SAXO1: variants seen among roughly 807,000 people sequenced by gnomAD.
SAXO1 encodes 4930500O09Rik.
Under a neutral mutation model 17.5 loss-of-function variants are expected in SAXO1, and 21 were observed. That is an observed-to-expected ratio of 1.20 (90% CI 0.85 to 1.72). The LOEUF is 1.72. SAXO1 is among the 40% of genes most tolerant of loss of function. The probability of loss-of-function intolerance (pLI) is 0.00; values close to 1 mark genes in which losing one functional copy is unlikely to be tolerated. For synonymous variants in SAXO1, 274 were observed against 216.5 expected (o/e 1.27, Z -2.33); for missense variants, 843 against 596.0 (o/e 1.41, Z -4.32).
chr9:19,016,077 G>C (rs1170515496), intron 1 of SAXO1, among the ~76,000 whole-genome samples: 1 of 152,124 alleles, frequency 6.6e-6, no homozygotes, highest in African/African-American at 2.4e-5. Context: ...GAAAAGCTTT[G>C]TCCCTCTCCA....
intron 1 of SAXO1, among the ~76,000 whole-genome samples, chr9:19,024,886 C>T (rs1360019869): frequency 1.3e-5 from 2 of 152,092 alleles, no homozygotes; most frequent in Non-Finnish European, 2.9e-5. Flanking sequence ...GAGGGAATGA[C>T]GTTTAAAACT....
At chr9:19,026,344 T>G (rs1195690474) in intron 1 of SAXO1, among the ~76,000 whole-genome samples, 1 of 152,208 alleles carries the variant, frequency 6.6e-6, no homozygotes, top group African/African-American at 2.4e-5. Context: ...AAAATTTAAT[T>G]GATTGACCTA....
At chr9:19,000,169 C>T (rs372059431) in intron 1 of SAXO1, among the ~76,000 whole-genome samples, 3 of 151,114 alleles carry the variant, frequency 2.0e-5, no homozygotes, top group South Asian at 2.1e-4. Context: ...TCTGCCTGGC[C>T]GCCACCCTGT....
At chr9:18,969,812 C>A (rs2131789258) in intron 1 of SAXO1, among the ~76,000 whole-genome samples, 1 of 152,342 alleles carries the variant, frequency 6.6e-6, no homozygotes, top group Admixed American at 6.5e-5. Context: ...GAAATTATTA[C>A]TTTTGCTATG....
chr9:19,035,399 G>A (rs1396085592), upstream of SAXO1, among the ~76,000 whole-genome samples: 2 of 152,146 alleles, frequency 1.3e-5, no homozygotes, highest in African/African-American at 4.8e-5. Context: ...GACCTCCCCA[G>A]CCATGTGGAA....
chr9:19,032,787 T>G, intron 1 of SAXO1, 84 bp downstream of exon 1: 3 of 1,484,922 alleles, frequency 2.0e-6, no homozygotes, highest in Non-Finnish European at 2.8e-6. Context: ...TGCCGCCTGA[T>G]GAAGCAGCTG....
At chr9:18,962,472 T>C (rs376101754) in intron 1 of SAXO1, among the ~76,000 whole-genome samples, 1 of 152,224 alleles carries the variant, frequency 6.6e-6, no homozygotes, top group Admixed American at 6.5e-5. Context: ...GTTCACATCA[T>C]TCACCCACTT....
At chr9:18,997,911 A>G (rs1359273339) in intron 1 of SAXO1, among the ~76,000 whole-genome samples, 2 of 152,214 alleles carry the variant, frequency 1.3e-5, no homozygotes, top group Admixed American at 6.5e-5. Flanking sequence ...ACAGAAAGGA[A>G]TAGCATCAAC....
intron 1 of SAXO1, among the ~76,000 whole-genome samples, chr9:19,038,441 G>T (rs1406913687): frequency 6.6e-6 from 1 of 151,894 alleles, no homozygotes; most frequent in Admixed American, 6.6e-5. Context: ...AAAATGATGA[G>T]CTCATGTCCT....
At chr9:19,027,886 G>C in intron 1 of SAXO1, 3 of 1,370,326 alleles carry the variant, frequency 2.2e-6, no homozygotes, top group Non-Finnish European at 3.1e-6. Flanking sequence ...TGGACCGCAA[G>C]ATCGAGTGCC....
At chr9:18,938,904 G>C (rs184348338) in intron 3 of SAXO1, among the ~76,000 whole-genome samples, 2 of 149,010 alleles carry the variant, frequency 1.3e-5, no homozygotes, top group East Asian at 3.9e-4. Context: ...AAGTAGGGAG[G>C]ACTTCTCTTT....
chr9:19,047,712 G>A (rs1379933228), intron 1 of SAXO1, among the ~76,000 whole-genome samples: 7 of 152,104 alleles, frequency 4.6e-5, no homozygotes. Flanking sequence ...AAGACTCTGA[G>A]GAAAAATTAT....
intron 1 of SAXO1, among the ~76,000 whole-genome samples, chr9:18,962,252 G>C (rs956928164): frequency 2.6e-5 from 4 of 152,024 alleles, no homozygotes; most frequent in Admixed American, 2.0e-4. Flanking sequence ...ATTTTTAGTA[G>C]AGTCGGGGTT....
intron 1 of SAXO1, chr9:19,027,667 A>G: frequency 7.3e-7 from 1 of 1,365,376 alleles, no homozygotes; most frequent in Admixed American, 1.7e-5. Context: ...CCAAGGAGAA[A>G]GCGCCCTCCA....
chr9:19,004,035 T>C (rs1412518903), intron 1 of SAXO1, among the ~76,000 whole-genome samples: 1 of 151,530 alleles, frequency 6.6e-6, no homozygotes, highest in East Asian at 1.9e-4. Context: ...AACTTAAATT[T>C]ACAACAAAAA....
chr9:18,937,018 C>G (rs1043569763), intron 3 of SAXO1, among the ~76,000 whole-genome samples: 2 of 152,176 alleles, frequency 1.3e-5, no homozygotes. Flanking sequence ...TATTTAATAA[C>G]CTTGGTCTTT....
intron 1 of SAXO1, among the ~76,000 whole-genome samples, chr9:18,994,590 C>A (rs2152464): frequency 0.51 from 76,933 of 151,868 alleles, 20,958 homozygotes; most frequent in Non-Finnish European, 0.62. Context: ...GAAGTATGTT[C>A]AATGTTTTGA....
At chr9:18,991,601 G>A (rs966245878) in intron 1 of SAXO1, among the ~76,000 whole-genome samples, 6 of 152,100 alleles carry the variant, frequency 3.9e-5, no homozygotes, top group Admixed American at 2.0e-4. Flanking sequence ...AGCATTAGGA[G>A]AAATACCTAA....
At chr9:19,027,531 A>G in intron 1 of SAXO1, 1 of 1,009,808 alleles carries the variant, frequency 9.9e-7, no homozygotes, top group East Asian at 2.4e-5. Context: ...GGGACGGAGA[A>G]GACCCTCCTG....
Sources: allele counts gnomAD v4.1 joint callset (sites outside exome capture counted in the v4.1 genomes callset), GRCh38; gene constraint gnomAD v4.1.1; transcripts MANE v1.5; gene names NCBI Gene and HGNC (gene_info 2026-07-23, HGNC 2026-07-21).